The following PRR5L variants were observed in gnomAD, a reference collection of about 807,000 sequenced individuals.
PRR5L encodes the protein proline rich 5 like.
In PRR5L, 21 loss-of-function variants were observed where a neutral mutation model predicts 36.4. That is an observed-to-expected ratio of 0.58 (90% CI 0.41 to 0.83). PRR5L has a LOEUF of 0.83. PRR5L is among the 40% of genes least tolerant of loss of function. PRR5L has a pLI of 0.00. For synonymous variants in PRR5L, 188 were observed against 197.0 expected, an observed-to-expected ratio of 0.95 and a Z score of 0.38; for missense variants, 381 against 473.3, an observed-to-expected ratio of 0.80 and a Z score of 1.81.
At chr11:36,461,621 C>CA (rs5791109) in intron 8 of PRR5L, among the ~76,000 whole-genome samples, 22 of 150,726 alleles carry the variant, frequency 1.5e-4, no homozygotes, top group African/African-American at 5.1e-4. Context: ...AAAACTGTCT[C>CA]AAAAAAAAAA....
chr11:36,343,807 T>C (rs1856839497), intron 1 of PRR5L, among the ~76,000 whole-genome samples: 1 of 152,238 alleles, frequency 6.6e-6, no homozygotes, highest in African/African-American at 2.4e-5. Flanking sequence ...TCTGGAAAGC[T>C]TAAGTCACCT....
At chr11:36,328,800 G>A (rs1230713763) in intron 1 of PRR5L, among the ~76,000 whole-genome samples, 1 of 152,158 alleles carries the variant, frequency 6.6e-6, no homozygotes, top group Non-Finnish European at 1.5e-5. Flanking sequence ...GATGAGGGAT[G>A]TTCAGAAAAA....
At chr11:36,439,435 G>A (rs1258303509) in intron 6 of PRR5L, among the ~76,000 whole-genome samples, 2 of 152,242 alleles carry the variant, frequency 1.3e-5, no homozygotes, top group Middle Eastern at 3.4e-3. Context: ...GTAAGATCTG[G>A]CAACAATTAA....
At chr11:36,443,703 A>T (rs1238993740) in intron 6 of PRR5L, among the ~76,000 whole-genome samples, 1 of 152,244 alleles carries the variant, frequency 6.6e-6, no homozygotes, top group African/African-American at 2.4e-5. Flanking sequence ...TTGGAATCAC[A>T]GCAGATAATC....
Position 36,377,121 on chromosome 11 carries a change from C to T in PRR5L, c.-125-23876C>T, listed in dbSNP as rs1478485435. ...CTGGGGGGCAAATCTAAAGAGCTGA[C>T]CCCGCTTAAGCACGGGAGATTTCGC... On this transcript the variant is annotated intron_variant, in intron 1 of 8. Transcript: ENST00000530639. This position sits in a 1 kb window ranked among gnomAD's most constrained non-coding sequence, Gnocchi z 5.1. Among the ~76,000 whole-genome samples the T allele has an allele frequency of 6.6e-6, 1 of 152,208 alleles. No individual in the cohort carries two copies. Among genetic ancestry groups the T allele is most frequent in the East Asian group, 1.9e-4 (1 of 5,182 alleles).
chr11:36,424,946 T>TGAG (rs1423189850), intron 4 of PRR5L, among the ~76,000 whole-genome samples: 1 of 152,154 alleles, frequency 6.6e-6, no homozygotes, highest in African/African-American at 2.4e-5. Flanking sequence ...CTCAGCTTCC[T>TGAG]GAGTAGTTGG....
At chr11:36,379,377 G>C (rs1857331549) in intron 1 of PRR5L, 1 of 151,614 alleles carries the variant, frequency 6.6e-6, no homozygotes, top group Non-Finnish European at 1.5e-5. Context: ...CATTCTTTTT[G>C]CAGAGCTAGA....
chr11:36,312,639 T>C (rs1250581879), intron 1 of PRR5L, among the ~76,000 whole-genome samples: 1 of 152,244 alleles, frequency 6.6e-6, no homozygotes, highest in Non-Finnish European at 1.5e-5. Flanking sequence ...ACTAAACACG[T>C]GGGACTAGGT....
At chr11:36,324,710 A>G (rs755912033) in intron 1 of PRR5L, among the ~76,000 whole-genome samples, 7 of 152,214 alleles carry the variant, frequency 4.6e-5, no homozygotes, top group Non-Finnish European at 8.8e-5. Flanking sequence ...TTTAAAATTA[A>G]TCTGAAAACA....
chr11:36,351,441 ATATATATTTATATATT>A (rs1359892606), intron 1 of PRR5L, among the ~76,000 whole-genome samples: 2 of 45,578 alleles, frequency 4.4e-5, no homozygotes, highest in African/African-American at 9.4e-5. Flanking sequence ...TTATATATAC[ATATATATTTATATATT>A]TATATATTTA....
intron 1 of PRR5L, among the ~76,000 whole-genome samples, chr11:36,305,405 T>C (rs1340805053): frequency 2.0e-5 from 3 of 152,200 alleles, no homozygotes; most frequent in Non-Finnish European, 4.4e-5. Flanking sequence ...AGAGTGACTG[T>C]TAATGGGTAT....
At chr11:36,450,391 C>A (rs1335087868) in intron 7 of PRR5L, among the ~76,000 whole-genome samples, 1 of 152,228 alleles carries the variant, frequency 6.6e-6, no homozygotes, top group Admixed American at 6.5e-5. Context: ...TCTTTGCAGC[C>A]CCTCAACATG....
At chr11:36,457,307 C>CTTA (rs1418806680) in intron 8 of PRR5L, among the ~76,000 whole-genome samples, 1 of 152,150 alleles carries the variant, frequency 6.6e-6, no homozygotes, top group Non-Finnish European at 1.5e-5. Context: ...CTCCCATACT[C>CTTA]TTATAAAACA....
intron 1 of PRR5L, among the ~76,000 whole-genome samples, chr11:36,311,039 C>A (rs925524463): frequency 6.7e-5 from 10 of 149,792 alleles, no homozygotes; most frequent in Admixed American, 1.3e-4. Flanking sequence ...GAATATCAGT[C>A]CTGAATTTTC....
In PRR5L at chr11:36,377,468, C is replaced by T. The variant is rs1857287280; in HGVS notation, c.-125-23529C>T. 1 of 152,294 alleles carries T rather than the reference C, an allele frequency of 6.6e-6. No homozygotes were observed. The highest frequency in any genetic ancestry group is 6.5e-5 in the Admixed American group (1 of 15,292). The allele number at this position is 152,294 out of a possible 1,614,324, so 9.4% of individuals were successfully genotyped here. ...CCGGGCTCGCTGCACGCAGGGGGCG[C>T]TCTAGGGGCCCCGCCCGGGCAGCTG... On this transcript the variant is annotated intron_variant, in intron 1 of 8. Transcript: ENST00000530639. This position sits in a 1 kb window ranked among gnomAD's most constrained non-coding sequence, Gnocchi z 5.1.
intron 1 of PRR5L, among the ~76,000 whole-genome samples, chr11:36,307,324 G>A (rs1398222569): frequency 3.3e-5 from 5 of 152,284 alleles, no homozygotes; most frequent in African/African-American, 7.2e-5. Flanking sequence ...CTTACTCAAA[G>A]GCAGACTGCT....
intron 6 of PRR5L, among the ~76,000 whole-genome samples, chr11:36,439,091 A>G (rs1487823282): frequency 6.6e-6 from 1 of 152,202 alleles, no homozygotes; most frequent in Non-Finnish European, 1.5e-5. Context: ...GGTGTGCAGG[A>G]AAGACCTGCA....
At chr11:36,330,510 C>A (rs530266735) in intron 1 of PRR5L, among the ~76,000 whole-genome samples, 1 of 152,244 alleles carries the variant, frequency 6.6e-6, no homozygotes, top group East Asian at 1.9e-4. Flanking sequence ...CTTGTCATAT[C>A]CCTTTCCGTG....
chr11:36,446,475 G>C (rs1229583511), intron 7 of PRR5L, 35 bp downstream of exon 7: 7 of 1,609,034 alleles, frequency 4.4e-6, no homozygotes, highest in Admixed American at 1.7e-5. Flanking sequence ...CCAAGGCAGA[G>C]GGAGGGAGCG....
Sources: allele counts gnomAD v4.1 joint callset (sites outside exome capture counted in the v4.1 genomes callset), GRCh38; gene constraint gnomAD v4.1.1; non-coding constraint Gnocchi (gnomAD v3.1); transcripts MANE v1.5; gene names NCBI Gene and HGNC (gene_info 2026-07-23, HGNC 2026-07-21).